The following COQ2 variants were observed in gnomAD, a reference collection of about 807,000 sequenced individuals.
The protein encoded by COQ2 is coenzyme Q2, polyprenyltransferase.
COQ2 carries 25 observed loss-of-function variants against 35.7 expected under a neutral mutation model. The ratio of observed to expected loss-of-function variants is 0.70; its 90% confidence interval spans 0.51 to 0.98. The LOEUF (loss-of-function observed/expected upper bound fraction) is 0.98, where lower values mean the gene tolerates loss of function less well. Among genes scored for constraint, COQ2 ranks in the 50% least tolerant of loss-of-function variants. The pLI, the probability that COQ2 is intolerant of heterozygous loss-of-function variation, is 0.00. For missense variants in COQ2, 488 were observed against 473.5 expected (o/e 1.03, Z -0.28); for synonymous variants, 206 against 186.2 (o/e 1.11, Z -0.86).
Position 83,264,045 on chromosome 4 carries a change from A to G in COQ2, c.*154T>C, listed in dbSNP as rs1734852131. 5.5e-6 allele frequency: 3 copies of G among 545,996 alleles called. No homozygotes were observed. The highest frequency in any genetic ancestry group is 9.0e-6 in the Non-Finnish European group (3 of 334,830). 33.8% of individuals were successfully genotyped at this position (545,996 alleles called of 1,614,324 possible). On this transcript the variant is annotated 3_prime_UTR_variant, in exon 7 of 7. Transcript: ENST00000647002. ...TCCCTGGTTTCTGTGACAAGGGGGA[A>G]TTTTGCTAGCAAATAAGTAAAATCC...
upstream of COQ2, chr4:83,284,964 T>C (rs1038759844): frequency 3.1e-5 from 41 of 1,330,006 alleles, no homozygotes; most frequent in Admixed American, 4.7e-4. Context: ...GGGATTTCTA[T>C]TGGCAAAAGG....
intron 2 of COQ2, among the ~76,000 whole-genome samples, chr4:83,276,337 T>C (rs1353108662): frequency 6.6e-6 from 1 of 152,150 alleles, no homozygotes; most frequent in Non-Finnish European, 1.5e-5. Flanking sequence ...TCTCCCATTC[T>C]GCAGGTGGTC....
rs1221771114 is a variant in COQ2 at position 83,284,691 on chromosome 4, C to T, written c.74G>A (p.Arg25Gln). 9.5e-6 allele frequency: 14 copies of T among 1,477,460 alleles called. No homozygotes were observed. In the African/African-American group the frequency reaches 2.1e-4, roughly 22 times the overall value. 91.5% of individuals were successfully genotyped at this position (1,477,460 alleles called of 1,614,324 possible). A position where few individuals can be genotyped will look rare whatever the true frequency, so the allele number is the denominator to read the frequency against. The part of the protein sequence containing the change: ...AVALAWLPGW[R>Q]GRSFALARAA... ...ACGCGCCAGGGCGAAGGAGCGGCCC[C>T]GCCAGCCCGGCAGCCACGCCAGTGC... is the stretch of plus-strand genomic sequence containing the variant. The change falls in exon 1 of 7, where the codon CGG (arginine) becomes CAG (glutamine). Residue 25 changes from arginine (R) to glutamine (Q), a missense_variant. Coordinates refer to ENST00000647002, the MANE Select transcript of COQ2 (RefSeq NM_001358921.2).
At position 83,278,986 on chromosome 4, in the gene COQ2, T is replaced by C; in HGVS notation, c.382A>G (p.Thr128Ala). ...GAILMRGAGC[T>A]INDMWDQDYD... ...TCCTGGTCCCACATGTCATTAATAG[T>C]ACAGCCTGCTCCACGCATCAGAATA... The change falls in exon 2 of 7, where the codon ACT becomes GCT. Residue 128 changes from threonine (T) to alanine (A), a missense_variant. Physicochemically the swap from Thr to Ala is moderately conservative, Grantham distance 58 (BLOSUM62 0). Coordinates refer to ENST00000647002, the MANE Select transcript of COQ2 (RefSeq NM_001358921.2). 1.2e-6 allele frequency: 2 copies of C among 1,608,976 alleles called. No homozygotes were observed. The highest frequency in any genetic ancestry group is 1.3e-5 in the African/African-American group (1 of 74,870).
At chr4:83,280,211 A>G (rs908376596) in intron 1 of COQ2, among the ~76,000 whole-genome samples, 1 of 152,228 alleles carries the variant, frequency 6.6e-6, no homozygotes, top group Non-Finnish European at 1.5e-5. Flanking sequence ...ATTAAGATAA[A>G]AGCAAATAGA....
intron 1 of COQ2, among the ~76,000 whole-genome samples, chr4:83,280,859 T>C (rs7685866): frequency 0.023 from 3,540 of 152,358 alleles, 144 homozygotes; most frequent in African/African-American, 0.08. Context: ...CAATGGCTAA[T>C]ATTTACGGAG....
intron 1 of COQ2, chr4:83,284,135 G>A (rs1322479237): frequency 2.0e-6 from 2 of 985,354 alleles, no homozygotes; most frequent in Non-Finnish European, 2.4e-6. Context: ...GGAGGGCCAC[G>A]AGAACGGAAC....
At position 83,273,601 on chromosome 4, in the gene COQ2, T is replaced by C. The variant is rs150295921; in HGVS notation, c.437A>G (p.Asn146Ser). 9.6e-4 allele frequency: 1,541 copies of C among 1,613,438 alleles called. 9 individuals carry two copies. The African/African-American group carries it at 0.018, about 19-fold the overall frequency. Residue 146 changes from asparagine (N) to serine (S), a missense_variant, in exon 3 of 7, where the codon AAT (asparagine) becomes AGT (serine). Coordinates refer to ENST00000647002, the MANE Select transcript of COQ2 (RefSeq NM_001358921.2). ...DYDKKVTRTA[N>S]RPIAAGDIST... ...AATGTCTCCAGCGGCTATTGGACGATTGGCTGTTCTTGTAACCTTAAAACA... is the reference window on the plus strand; with the variant it reads ...AATGTCTCCAGCGGCTATTGGACGACTGGCTGTTCTTGTAACCTTAAAACA...
Position 83,279,120 on chromosome 4 carries a change from C to A in COQ2, c.254-6G>T. ...TAAATACAGAAGCCAGGTTCCTAAG[C>A]AAAAATAAAAAGACAAAAAAGGTAC... On this transcript the variant is annotated splice_polypyrimidine_tract_variant and splice_region_variant and intron_variant, in intron 1 of 6. Transcript: ENST00000647002. 1 of 1,536,864 alleles carries A rather than the reference C, an allele frequency of 6.5e-7. No homozygotes were observed. Among genetic ancestry groups the A allele is most frequent in the Non-Finnish European group, 8.7e-7 (1 of 1,146,358 alleles).
At chr4:83,276,723 C>T (rs1344779083) in intron 2 of COQ2, among the ~76,000 whole-genome samples, 1 of 152,074 alleles carries the variant, frequency 6.6e-6, no homozygotes, top group Non-Finnish European at 1.5e-5. Context: ...AATCATTTTG[C>T]CAAAAAGACA....
At chr4:83,284,853 C>T, upstream of COQ2, 1 of 1,543,528 alleles carries the variant, frequency 6.5e-7, no homozygotes, top group Non-Finnish European at 8.7e-7. Context: ...TCCTAGTCTG[C>T]CAGGCTGGGC....
At chr4:83,269,655 C>A (rs1734998663) in intron 5 of COQ2, among the ~76,000 whole-genome samples, 1 of 151,748 alleles carries the variant, frequency 6.6e-6, no homozygotes, top group African/African-American at 2.4e-5. Flanking sequence ...TTGGTAAACA[C>A]ACATAAACAT....
intron 2 of COQ2, among the ~76,000 whole-genome samples, chr4:83,275,392 T>A (rs1238479767): frequency 6.6e-6 from 1 of 151,804 alleles, no homozygotes; most frequent in Non-Finnish European, 1.5e-5. Flanking sequence ...CAACCTGGTT[T>A]CCACTGGCCC....
At chr4:83,276,562 G>C (rs750928800) in intron 2 of COQ2, among the ~76,000 whole-genome samples, 4 of 152,160 alleles carry the variant, frequency 2.6e-5, no homozygotes, top group African/African-American at 4.8e-5. Context: ...TGTTGGTGAG[G>C]ATGTGGAGAA....
chr4:83,271,444 C>T (rs1384638803), intron 4 of COQ2, among the ~76,000 whole-genome samples: 1 of 152,098 alleles, frequency 6.6e-6, no homozygotes, highest in Non-Finnish European at 1.5e-5. Flanking sequence ...TGCTTCCTAC[C>T]CCATCCCCCA....
chr4:83,265,598 A>G (rs1357948444), intron 6 of COQ2, among the ~76,000 whole-genome samples: 2 of 151,788 alleles, frequency 1.3e-5, no homozygotes, highest in South Asian at 2.1e-4. Flanking sequence ...AACAACAACA[A>G]CAACAAAACT....
At chr4:83,282,641 C>G (rs1735351964) in intron 1 of COQ2, 1 of 504,130 alleles carries the variant, frequency 2.0e-6, no homozygotes, top group African/African-American at 2.1e-5. Flanking sequence ...ATTTCTTCAG[C>G]ACATATTATG....
At chr4:83,273,418 A>C (rs773122474) in intron 3 of COQ2, 78 bp downstream of exon 3, 2 of 1,446,616 alleles carry the variant, frequency 1.4e-6, no homozygotes, top group Admixed American at 2.2e-5. Flanking sequence ...CTTTGTGATA[A>C]AGATATTTCA....
chr4:83,266,797 C>G (rs1734929479), intron 6 of COQ2: 1 of 176,848 alleles, frequency 5.7e-6, no homozygotes, highest in Non-Finnish European at 1.2e-5. Flanking sequence ...TGACAGCTTC[C>G]TGCTCTCTAC....
Sources: allele counts gnomAD v4.1 joint callset (sites outside exome capture counted in the v4.1 genomes callset), GRCh38; gene constraint gnomAD v4.1.1; transcripts MANE v1.5; gene names NCBI Gene and HGNC (gene_info 2026-07-23, HGNC 2026-07-21).